Variants in CEP192 observed in about 807,000 individuals in gnomAD.
CEP192 encodes the protein centrosomal protein 192.
A neutral mutation model predicts 271.8 loss-of-function variants in CEP192; 151 were observed. That is an observed-to-expected ratio of 0.56 (90% CI 0.49 to 0.64). The LOEUF (loss-of-function observed/expected upper bound fraction) is 0.64, where lower values mean the gene tolerates loss of function less well. Ranked by LOEUF, CEP192 falls within the 30% of genes least tolerant of loss-of-function variation. The probability of loss-of-function intolerance (pLI) is 0.00; values close to 1 mark genes in which losing one functional copy is unlikely to be tolerated. For synonymous variants in CEP192, 995 were observed against 1,076.5 expected, an observed-to-expected ratio of 0.92 and a Z score of 1.48; for missense variants, 2,910 against 3,020.5, an observed-to-expected ratio of 0.96 and a Z score of 0.86.
intron 43 of CEP192, among the ~76,000 whole-genome samples, chr18:13,117,224 C>T (rs1471882654): frequency 2.6e-5 from 4 of 152,150 alleles, no homozygotes; most frequent in African/African-American, 9.7e-5. Context: ...GACCCTGCCC[C>T]CATCCGCCCA....
chr18:13,017,936 C>T (rs533831750), intron 7 of CEP192, among the ~76,000 whole-genome samples: 21 of 152,252 alleles, frequency 1.4e-4, no homozygotes, highest in Admixed American at 1.0e-3. Context: ...ATCTATTTTG[C>T]AAAATCTAGG....
intron 38 of CEP192, among the ~76,000 whole-genome samples, chr18:13,101,157 C>T (rs2039686023): frequency 6.6e-6 from 1 of 152,206 alleles, no homozygotes; most frequent in South Asian, 2.1e-4. Flanking sequence ...GCCACAGCTT[C>T]TAGTCAGCCG....
intron 38 of CEP192, among the ~76,000 whole-genome samples, chr18:13,101,491 C>T (rs1246818256): frequency 6.6e-6 from 1 of 152,182 alleles, no homozygotes; most frequent in African/African-American, 2.4e-5. Flanking sequence ...GTATTGCTCA[C>T]ATTCCTCGAG....
In CEP192 at chr18:13,056,099, T is replaced by C; in HGVS notation, c.3509T>C (p.Leu1170Pro). Residue 1170 changes from leucine to proline, a missense_variant, in exon 19 of 45, where the codon CTG becomes CCG. Physicochemically the swap from Leu to Pro is moderately conservative, Grantham distance 98 (BLOSUM62 -3). Transcript: ENST00000506447. ...TTGGACCCGATCAGGCTGGCTCTCCTGGGCAAGTCAGGTCTGAGCTGTCAG... is the reference window on the plus strand; with the variant it reads ...TTGGACCCGATCAGGCTGGCTCTCCCGGGCAAGTCAGGTCTGAGCTGTCAG... ...EELDPIRLALLGKSGLSCQVG... is the reference protein window; with the variant it reads ...EELDPIRLALPGKSGLSCQVG... 1.2e-6 allele frequency: 2 copies of C among 1,613,464 alleles called. No individual in the cohort carries two copies. The highest frequency in any genetic ancestry group is 3.3e-5 in the Admixed American group (2 of 59,990).
intron 41 of CEP192, 106 bp from the exon 42 acceptor site, chr18:13,114,024 C>T: frequency 7.6e-7 from 1 of 1,317,396 alleles, no homozygotes; most frequent in Admixed American, 2.3e-5. Context: ...TCTTAAATTG[C>T]CTTTTAAAAA....
chr18:13,045,041 A>G (rs1230725213), intron 15 of CEP192, among the ~76,000 whole-genome samples: 2 of 152,134 alleles, frequency 1.3e-5, no homozygotes, highest in African/African-American at 2.4e-5. Context: ...TTATTTTACT[A>G]TCATGCTGAC....
chr18:13,000,459 A>C (rs1341632482), intron 2 of CEP192: 1 of 152,100 alleles, frequency 6.6e-6, no homozygotes, highest in Non-Finnish European at 1.5e-5. Flanking sequence ...CTGTGACTAG[A>C]GTTTTGGGTC....
chr18:13,097,440 C>T (rs1208333644), intron 36 of CEP192, among the ~76,000 whole-genome samples: 1 of 152,114 alleles, frequency 6.6e-6, no homozygotes, highest in Non-Finnish European at 1.5e-5. Context: ...TTCATTTCTT[C>T]TCCATCTCCC....
At position 13,095,655 on chromosome 18, in the gene CEP192, A is replaced by T; in HGVS notation, c.6407A>T (p.His2136Leu). The T allele has an allele frequency of 6.2e-7, 1 of 1,612,774 alleles. No homozygotes were observed. Among genetic ancestry groups the T allele is most frequent in the South Asian group, 1.1e-5 (1 of 90,702 alleles). ...GAGCCGTGGACTGTCCTACCCGAGCACTTGATTCTGGTAGCTCCTTCTCCT... is the reference window on the plus strand; with the variant it reads ...GAGCCGTGGACTGTCCTACCCGAGCTCTTGATTCTGGTAGCTCCTTCTCCT... ...SEEPWTVLPE[H>L]LILVAPSPCD... The change falls in exon 35 of 45, where the codon CAC (histidine) becomes CTC (leucine). Residue 2136 changes from histidine (H) to leucine (L), a missense_variant. His to Leu is a moderately conservative substitution (Grantham distance 99). Transcript: ENST00000506447.
chr18:13,021,701 T>C (rs1263117525), intron 9 of CEP192, among the ~76,000 whole-genome samples: 2 of 152,212 alleles, frequency 1.3e-5, no homozygotes, highest in Non-Finnish European at 2.9e-5. Flanking sequence ...TTGGGTAGTA[T>C]TGATACCTTT....
chr18:13,124,546 A>C (rs2040818028), intron 44 of CEP192, 86 bp from the exon 45 acceptor site: 5 of 1,339,724 alleles, frequency 3.7e-6, no homozygotes, highest in Non-Finnish European at 5.0e-6. Flanking sequence ...TCTTTCCTCA[A>C]CACCTGAGCC....
chr18:13,047,678 C>T (rs1253945325), intron 15 of CEP192, among the ~76,000 whole-genome samples: 3 of 152,150 alleles, frequency 2.0e-5, no homozygotes, highest in Non-Finnish European at 4.4e-5. Flanking sequence ...TTACTGGAGG[C>T]AGAAGTCTTA....
chr18:13,030,696 A>C (rs553656367), intron 11 of CEP192, 88 bp downstream of exon 11: 174 of 1,034,912 alleles, frequency 1.7e-4, no homozygotes, highest in Middle Eastern at 7.6e-4. Context: ...CAGCCACATC[A>C]GATCCCTTCT....
rs2039488111 is a variant in CEP192 at position 13,097,953 on chromosome 18, G to T, written c.6558-1523G>T. On this transcript the variant is annotated intron_variant, in intron 36 of 44. Coordinates refer to ENST00000506447, the MANE Select transcript of CEP192 (RefSeq NM_032142.4). ...ACAGCACATGTTTCAGAGAACACAG[G>T]GTTGGGGGTAAGGTCATAGATCAAC... Among the ~76,000 whole-genome samples the T allele has an allele frequency of 2.0e-5, 3 of 152,008 alleles. No homozygotes were observed. In the South Asian group the frequency reaches 6.2e-4, roughly 32 times the overall value.
chr18:13,098,215 G>T (rs1370342108), intron 36 of CEP192, among the ~76,000 whole-genome samples: 1 of 152,122 alleles, frequency 6.6e-6, no homozygotes, highest in Non-Finnish European at 1.5e-5. Context: ...TTCCCAGTAG[G>T]GGCGGCCGGG....
chr18:13,078,045 C>T (rs1466887656), intron 30 of CEP192, among the ~76,000 whole-genome samples: 1 of 152,178 alleles, frequency 6.6e-6, no homozygotes, highest in Non-Finnish European at 1.5e-5. Flanking sequence ...ATCTACCCGT[C>T]ATCTACATTA....
At chr18:13,064,966 T>C (rs2037612636) in intron 21 of CEP192, among the ~76,000 whole-genome samples, 1 of 152,198 alleles carries the variant, frequency 6.6e-6, no homozygotes, top group East Asian at 1.9e-4. Context: ...CATCAGTGTT[T>C]TATACTTTTC....
At position 13,008,559 on chromosome 18, in the gene CEP192, C is replaced by T; in HGVS notation, c.394C>T (p.Pro132Ser). 1 of 1,551,584 alleles carries T rather than the reference C, an allele frequency of 6.4e-7. No homozygotes were observed. The highest frequency in any genetic ancestry group is 1.4e-5 in the African/African-American group (1 of 73,150). Residue 132 changes from proline to serine, a missense_variant, in exon 4 of 45, where the codon CCA becomes TCA. Coordinates refer to ENST00000506447, the MANE Select transcript of CEP192 (RefSeq NM_032142.4). ...QMETAGPEEE[P>S]AGATESLQGQ... ...GGAGACAGCAGGACCAGAAGAGGAG[C>T]CAGCCGGAGCTACAGAATCCTTGCA...
intron 38 of CEP192, among the ~76,000 whole-genome samples, chr18:13,101,911 G>A (rs2039725425): frequency 6.6e-6 from 1 of 152,092 alleles, no homozygotes; most frequent in Non-Finnish European, 1.5e-5. Context: ...TATAGTTGCT[G>A]TTTCACAGGC....
Sources: gnomAD v4.1 joint callset for allele counts (sites outside exome capture counted in the v4.1 genomes callset) on GRCh38, gnomAD v4.1.1 for gene constraint, MANE v1.5 for transcripts, NCBI Gene and HGNC (gene_info 2026-07-23, HGNC 2026-07-21) for gene names.